Variants in LPIN3 observed in about 807,000 individuals in gnomAD.
LPIN3 encodes the protein phosphatidate phosphatase LPIN3.
A neutral mutation model predicts 94.7 loss-of-function variants in LPIN3; 82 were observed. The ratio of observed to expected loss-of-function variants is 0.87; its 90% CI spans 0.72 to 1.04. The LOEUF (loss-of-function observed/expected upper bound fraction) is 1.04, where lower values mean the gene tolerates loss of function less well. Among genes scored for constraint, LPIN3 ranks in the 50% least tolerant of loss-of-function variants. LPIN3 has a pLI of 0.00. For missense variants in LPIN3, 996 were observed against 1,090.5 expected, an observed-to-expected ratio of 0.91 and a Z score of 1.22; for synonymous variants, 418 against 443.3, an observed-to-expected ratio of 0.94 and a Z score of 0.72.
At chr20:41,352,271 G>A (rs1175986108) in intron 9 of LPIN3, 51 bp downstream of exon 9, 15 of 1,599,136 alleles carry the variant, frequency 9.4e-6, no homozygotes, top group Non-Finnish European at 1.3e-5. Context: ...TGAGCCCAGA[G>A]GATGGGGAGG....
rs1237841717 is a variant in LPIN3 at position 41,359,019 on chromosome 20, C to T, written c.*153C>T. ...TGGTTGGCAGCTAGAGAGACTCCCC[C>T]ATCTTCCCCGTCATATTTTTGCCAG... On this transcript the variant is annotated 3_prime_UTR_variant, in exon 20 of 20. Transcript: ENST00000373257. 5.6e-6 allele frequency: 5 copies of T among 887,572 alleles called. No individual in the cohort carries two copies. Among genetic ancestry groups the T allele is most frequent in the Non-Finnish European group, 8.5e-6 (5 of 587,542 alleles). 55.0% of individuals were successfully genotyped at this position (887,572 alleles called of 1,614,324 possible). A position where few individuals can be genotyped will look rare whatever the true frequency, so the allele number is the denominator to read the frequency against.
At chr20:41,353,214 C>CG (rs2046088539) in intron 11 of LPIN3, among the ~76,000 whole-genome samples, 1 of 152,184 alleles carries the variant, frequency 6.6e-6, no homozygotes, top group African/African-American at 2.4e-5. Flanking sequence ...ATCTGAAATA[C>CG]GGGGTTTGGG....
At chr20:41,353,588 G>A (rs1021580269) in intron 11 of LPIN3, among the ~76,000 whole-genome samples, 18 of 152,308 alleles carry the variant, frequency 1.2e-4, no homozygotes, top group Admixed American at 5.2e-4. Flanking sequence ...CCCAGAGGGG[G>A]AAAGGAATGA....
rs564301706 is a variant in LPIN3, at chr20:41,358,799, C to T, written c.2489C>T (p.Pro830Leu). Residue 830 changes from proline (P) to leucine (L), a missense_variant, in exon 20 of 20, where the codon CCT becomes CTT. Coordinates refer to ENST00000373257, the MANE Select transcript of LPIN3 (RefSeq NM_022896.3). The stretch of plus-strand genomic sequence containing the variant: ...GGCCCCAGCACAGACCTGGCCAACC[C>T]TGAATACAGTAACTTCTGCTACTGG... ...ARGPSTDLAN[P>L]EYSNFCYWRE... 1 of 1,614,160 alleles carries T rather than the reference C, an allele frequency of 6.2e-7. No homozygotes were observed. Among genetic ancestry groups the T allele is most frequent in the Admixed American group, 1.7e-5 (1 of 60,032 alleles).
rs1456512483 is a variant in LPIN3 at position 41,354,917 on chromosome 20, CT to C, written c.1664+55del. The C allele has an allele frequency of 7.2e-6, 11 of 1,532,640 alleles. No individual in the cohort carries two copies. The Admixed American group carries it at 2.2e-4, about 31-fold the overall frequency. The allele number at this position is 1,532,640 out of a possible 1,614,324, so 94.9% of individuals were successfully genotyped here. ...CAGGGGGAGCCTGGGAAAGATGGCC[CT>C]GGGTGCAGGTGGGTGGCAGGGAGGA... On this transcript the variant is annotated intron_variant, in intron 13 of 19. Coordinates refer to ENST00000373257, the MANE Select transcript of LPIN3 (RefSeq NM_022896.3).
chr20:41,357,011 A>G, intron 14 of LPIN3, 29 bp from the exon 15 acceptor site: 1 of 1,600,854 alleles, frequency 6.2e-7, no homozygotes, highest in Admixed American at 1.7e-5. Flanking sequence ...GTCATCAATC[A>G]CGACACACCC....
chr20:41,358,017 C>T lies in LPIN3; in HGVS notation c.2175C>T (p.Leu725=). 6.2e-7 allele frequency: 1 copy of T among 1,605,834 alleles called. No homozygotes were observed. Among genetic ancestry groups the T allele is most frequent in the Non-Finnish European group, 8.5e-7 (1 of 1,176,290 alleles). ...KGPILLSPSS[L]FSALHREVIE... is the part of the protein sequence containing the mutation. ...CCATCCTTCTGTCTCCCAGCAGCCTCTTCTCTGCCCTCCACAGGTAACCAC... is the reference window on the plus strand; with the variant it reads ...CCATCCTTCTGTCTCCCAGCAGCCTTTTCTCTGCCCTCCACAGGTAACCAC... The change falls in exon 17 of 20, where the codon CTC becomes CTT. Residue 725 remains leucine (L), a synonymous_variant. Coordinates refer to ENST00000373257, the MANE Select transcript of LPIN3 (RefSeq NM_022896.3).
intron 6 of LPIN3, 36 bp from the exon 7 acceptor site, chr20:41,350,019 C>T: frequency 6.4e-7 from 1 of 1,567,060 alleles, no homozygotes; most frequent in East Asian, 2.3e-5. Context: ...TGGGCCTTAC[C>T]CTGGCCCACA....
intron 1 of LPIN3, 64 bp from the exon 2 acceptor site, chr20:41,345,732 G>T: frequency 6.6e-6 from 10 of 1,520,010 alleles, no homozygotes; most frequent in Non-Finnish European, 8.9e-6. Context: ...TGGTCAGGCT[G>T]CAGGAGCTTC....
intron 2 of LPIN3, 65 bp from the exon 3 acceptor site, chr20:41,347,487 G>A (rs2045823233): frequency 1.6e-5 from 24 of 1,505,560 alleles, no homozygotes; most frequent in South Asian, 1.1e-5. Context: ...GGACCAGCCA[G>A]GAGGCCTGTG....
At position 41,357,450 on chromosome 20, in the gene LPIN3, G is replaced by A; in HGVS notation, c.2039+3G>A. ...AGTCTCTATCACAAAATCCAACTGT[G>A]AGTGCCTGGGCTGGGGCTGGGGCTG... On this transcript the variant is annotated splice_donor_region_variant and intron_variant, in intron 16 of 19. Transcript: ENST00000373257. The A allele has an allele frequency of 6.2e-7, 1 of 1,611,944 alleles. No individual in the cohort carries two copies. Among genetic ancestry groups the A allele is most frequent in the South Asian group, 1.1e-5 (1 of 91,042 alleles).
At chr20:41,349,316 T>C in intron 5 of LPIN3, 144 bp downstream of exon 5, 1 of 689,538 alleles carries the variant, frequency 1.5e-6, no homozygotes, top group Non-Finnish European at 2.4e-6. Context: ...AGAGTTCAAG[T>C]CTTTTATTGA....
In LPIN3 at chr20:41,354,859, C is replaced by A; in HGVS notation, c.1660C>A (p.Gln554Lys). The part of the protein sequence containing the change: ...QKEKTAAKEQ[Q>K]GEKTEVLSSD... ...GGAGAAGACTGCAGCCAAGGAGCAG[C>A]AGGGGTGAGTGAGACCCCCTATTGG... The change falls in exon 13 of 20, where the codon CAG becomes AAG. Residue 554 changes from glutamine to lysine, a missense_variant. Gln to Lys is a moderately conservative substitution (Grantham distance 53). Transcript: ENST00000373257. 6.4e-7 allele frequency: 1 copy of A among 1,564,300 alleles called. No homozygotes were observed.
chr20:41,347,923 A>T (rs2045846385), intron 3 of LPIN3, among the ~76,000 whole-genome samples: 2 of 152,162 alleles, frequency 1.3e-5, no homozygotes, highest in Admixed American at 1.3e-4. Context: ...CCCCTGTGGG[A>T]TGAAAAGGAG....
rs1173736183 is a variant in LPIN3 at position 41,354,860 on chromosome 20, A to G, written c.1661A>G (p.Gln554Arg). 6.4e-7 allele frequency: 1 copy of G among 1,563,268 alleles called. No homozygotes were observed. The highest frequency in any genetic ancestry group is 2.4e-5 in the East Asian group (1 of 41,772). The change falls in exon 13 of 20, where the codon CAG (glutamine) becomes CGG (arginine). Residue 554 changes from glutamine to arginine, a missense_variant. Transcript: ENST00000373257. The stretch of plus-strand genomic sequence containing the variant: ...GAGAAGACTGCAGCCAAGGAGCAGC[A>G]GGGGTGAGTGAGACCCCCTATTGGG... The part of the protein sequence containing the change: ...QKEKTAAKEQ[Q>R]GEKTEVLSSD...
chr20:41,341,584 C>T lies in LPIN3; in HGVS notation c.-9+582C>T, dbSNP rs532184226. On this transcript the variant is annotated intron_variant, in intron 1 of 19. Transcript: ENST00000373257. ...AGAGTTGTAGTCTAGCCTGGAAGGC[C>T]TGTGAACATCCCCAAGGTGGGGTGT... 5.3e-5 allele frequency among the ~76,000 whole-genome samples: 8 copies of T among 152,366 alleles called. No homozygotes were observed. The East Asian group carries it at 1.5e-3, about 29-fold the overall frequency.
chr20:41,347,764 G>A, intron 3 of LPIN3, 117 bp downstream of exon 3: 1 of 848,036 alleles, frequency 1.2e-6, no homozygotes, highest in South Asian at 1.8e-5. Context: ...CCCACCAGCA[G>A]AGGTCTGAGG....
chr20:41,352,024 T>C, intron 8 of LPIN3, 36 bp from the exon 9 acceptor site: 1 of 1,613,988 alleles, frequency 6.2e-7, no homozygotes, highest in Non-Finnish European at 8.5e-7. Flanking sequence ...CCCGCCCTCC[T>C]CGTATTCTTG....
intron 16 of LPIN3, among the ~76,000 whole-genome samples, 164 bp from the exon 17 acceptor site, chr20:41,357,718 C>G (rs1027158783): frequency 6.6e-6 from 1 of 152,258 alleles, no homozygotes; most frequent in Non-Finnish European, 1.5e-5. Context: ...ACTCTGTGCA[C>G]CGTCCAGCTG....
Sources: allele counts gnomAD v4.1 joint callset (sites outside exome capture counted in the v4.1 genomes callset), GRCh38; gene constraint gnomAD v4.1.1; transcripts MANE v1.5; gene names NCBI Gene and HGNC (gene_info 2026-07-23, HGNC 2026-07-21).